ATXN1: variants seen among roughly 807,000 people sequenced by gnomAD.
The protein encoded by ATXN1 is ataxin-1.
In ATXN1, 8 loss-of-function variants were observed where a neutral mutation model predicts 56.4. The ratio of observed to expected loss-of-function variants is 0.14; its 90% CI spans 0.08 to 0.26. ATXN1 has a LOEUF of 0.26. Among genes scored for constraint, ATXN1 ranks in the 10% least tolerant of loss-of-function variants. The pLI, the probability that ATXN1 is intolerant of heterozygous loss-of-function variation, is 1.00. For synonymous variants in ATXN1, 514 were observed against 494.6 expected (o/e 1.04, Z -0.52); for missense variants, 987 against 1,106.5 (o/e 0.89, Z 1.53).
chr6:16,334,448 A>G (rs1392879238), intron 6 of ATXN1, among the ~76,000 whole-genome samples: 1 of 152,170 alleles, frequency 6.6e-6, no homozygotes, highest in Admixed American at 6.5e-5. Flanking sequence ...TAAAAAAAAT[A>G]TAATGTTCAG....
chr6:16,388,690 A>G (rs1017464049), intron 6 of ATXN1, among the ~76,000 whole-genome samples: 1 of 152,216 alleles, frequency 6.6e-6, no homozygotes, highest in African/African-American at 2.4e-5. Flanking sequence ...GGAGGTCATG[A>G]GTGCTAACCA....
chr6:16,405,441 A>G (rs895179004), intron 6 of ATXN1, among the ~76,000 whole-genome samples: 1 of 152,164 alleles, frequency 6.6e-6, no homozygotes, highest in African/African-American at 2.4e-5. Flanking sequence ...GCTTCCCCCA[A>G]GTCCACTGTG....
intron 4 of ATXN1, among the ~76,000 whole-genome samples, chr6:16,538,141 T>C (rs537033853): frequency 6.6e-6 from 1 of 152,276 alleles, no homozygotes; most frequent in Admixed American, 6.5e-5. Context: ...GAATTTCCTT[T>C]CTCTCTTTGC....
chr6:16,639,764 A>G (rs1763673731), intron 3 of ATXN1, among the ~76,000 whole-genome samples: 1 of 152,254 alleles, frequency 6.6e-6, no homozygotes, highest in South Asian at 2.1e-4. Context: ...CTCATTAAAG[A>G]TGTAAATAGA....
chr6:16,702,591 C>A (rs2113439597), intron 2 of ATXN1, among the ~76,000 whole-genome samples: 1 of 152,216 alleles, frequency 6.6e-6, no homozygotes, highest in African/African-American at 2.4e-5. Context: ...ACTCATCGGA[C>A]AAAGGGCTAA....
At chr6:16,566,964 T>C (rs983971665) in intron 4 of ATXN1, among the ~76,000 whole-genome samples, 8 of 152,240 alleles carry the variant, frequency 5.3e-5, no homozygotes, top group Non-Finnish European at 1.2e-4. Context: ...GTCTTTCATA[T>C]GCTTTGGCAT....
intron 3 of ATXN1, among the ~76,000 whole-genome samples, chr6:16,602,652 G>A (rs543478361): frequency 1.8e-4 from 27 of 152,188 alleles, no homozygotes; most frequent in African/African-American, 4.6e-4. Context: ...GGGTTTCACC[G>A]TGTTGGCCAG....
intron 6 of ATXN1, among the ~76,000 whole-genome samples, chr6:16,343,766 G>A (rs911529842): frequency 3.3e-5 from 5 of 152,104 alleles, no homozygotes; most frequent in East Asian, 1.9e-4. Flanking sequence ...GTGGCTTTGC[G>A]GGCCATACAC....
At chr6:16,738,357 T>C (rs1342837939) in intron 2 of ATXN1, 15 of 152,194 alleles carry the variant, frequency 9.9e-5, no homozygotes. Flanking sequence ...CTGGTTGACA[T>C]GGCAAGACCC....
intron 6 of ATXN1, among the ~76,000 whole-genome samples, chr6:16,362,572 A>G (rs1761833521): frequency 1.3e-5 from 2 of 152,018 alleles, no homozygotes; most frequent in African/African-American, 4.8e-5. Flanking sequence ...ACACCTTACC[A>G]CGGCTCTTCC....
At chr6:16,439,775 T>C (rs1230993669) in intron 6 of ATXN1, among the ~76,000 whole-genome samples, 1 of 152,160 alleles carries the variant, frequency 6.6e-6, no homozygotes, top group African/African-American at 2.4e-5. Flanking sequence ...TCAAGCACTA[T>C]TAAAAAATTA....
At chr6:16,412,070 A>G (rs1317993436) in intron 6 of ATXN1, among the ~76,000 whole-genome samples, 1 of 152,206 alleles carries the variant, frequency 6.6e-6, no homozygotes, top group Non-Finnish European at 1.5e-5. Flanking sequence ...GGCAGTAAAA[A>G]TGCCATTGGA....
chr6:16,433,361 T>G (rs1191627610), intron 6 of ATXN1, among the ~76,000 whole-genome samples: 1 of 152,190 alleles, frequency 6.6e-6, no homozygotes, highest in African/African-American at 2.4e-5. Context: ...TACCTCAAAT[T>G]TCACCTGGAC....
chr6:16,616,342 C>T (rs1763208025), intron 3 of ATXN1, among the ~76,000 whole-genome samples: 1 of 151,522 alleles, frequency 6.6e-6, no homozygotes. Flanking sequence ...GGGTTTGAGA[C>T]CAGCCTGGCT....
At chr6:16,419,243 A>G (rs1251744898) in intron 6 of ATXN1, among the ~76,000 whole-genome samples, 2 of 152,184 alleles carry the variant, frequency 1.3e-5, no homozygotes, top group Non-Finnish European at 2.9e-5. Context: ...GACACTGCAC[A>G]TGGCTTCCCA....
At chr6:16,545,282 A>C (rs1346222123) in intron 4 of ATXN1, among the ~76,000 whole-genome samples, 1 of 152,222 alleles carries the variant, frequency 6.6e-6, no homozygotes, top group Non-Finnish European at 1.5e-5. Context: ...AATTCTCCTT[A>C]AATGACCTTA....
At chr6:16,489,709 T>C (rs1760621685) in intron 5 of ATXN1, among the ~76,000 whole-genome samples, 1 of 151,984 alleles carries the variant, frequency 6.6e-6, no homozygotes, top group African/African-American at 2.4e-5. Context: ...TCCCAGCACT[T>C]TGGGAGGCTG....
At chr6:16,456,510 G>A (rs563258058) in intron 6 of ATXN1, among the ~76,000 whole-genome samples, 4 of 152,254 alleles carry the variant, frequency 2.6e-5, no homozygotes, top group African/African-American at 9.6e-5. Flanking sequence ...CTGCACTTCC[G>A]GGCTAAGCCT....
intron 5 of ATXN1, among the ~76,000 whole-genome samples, chr6:16,513,137 T>C (rs1440153176): frequency 6.6e-6 from 1 of 152,194 alleles, no homozygotes; most frequent in Non-Finnish European, 1.5e-5. Context: ...CATGTATGCA[T>C]TTTTCAGCTC....
Sources: gnomAD v4.1 joint callset for allele counts (sites outside exome capture counted in the v4.1 genomes callset) on GRCh38, gnomAD v4.1.1 for gene constraint, MANE v1.5 for transcripts, NCBI Gene and HGNC (gene_info 2026-07-23, HGNC 2026-07-21) for gene names.